Variants in KLHDC4 observed in about 807,000 individuals in gnomAD.
The protein encoded by KLHDC4 is kelch domain containing 4.
KLHDC4 carries 90 observed loss-of-function variants against 62.4 expected under a neutral mutation model. The ratio of observed to expected loss-of-function variants is 1.44; its 90% CI spans 1.22 to 1.72. KLHDC4 has a LOEUF of 1.72. KLHDC4 is among the 40% of genes most tolerant of loss of function. The pLI, the probability that KLHDC4 is intolerant of heterozygous loss-of-function variation, is 0.00. For missense variants in KLHDC4, 1,025 were observed against 699.7 expected, an observed-to-expected ratio of 1.47 and a Z score of -5.25; for synonymous variants, 386 against 284.4, an observed-to-expected ratio of 1.36 and a Z score of -3.59.
At chr16:87,735,699 A>G (rs2041194714) in intron 5 of KLHDC4, among the ~76,000 whole-genome samples, 1 of 152,260 alleles carries the variant, frequency 6.6e-6, no homozygotes, top group Non-Finnish European at 1.5e-5. Context: ...CAGGCTTCTC[A>G]AAACTGCTGT....
chr16:87,705,272 G>A (rs2034529645), downstream of KLHDC4, among the ~76,000 whole-genome samples: 2 of 152,256 alleles, frequency 1.3e-5, no homozygotes, highest in African/African-American at 4.8e-5. Context: ...CAAGTAGTTC[G>A]GTAAACTGGG....
intron 7 of KLHDC4, among the ~76,000 whole-genome samples, chr16:87,718,340 T>C (rs1211124247): frequency 3.1e-3 from 57 of 18,150 alleles, no homozygotes; most frequent in Admixed American, 7.5e-3. Flanking sequence ...CCTCCCCCTC[T>C]CCTCCCCCTC....
intron 1 of KLHDC4, 194 bp from the exon 2 acceptor site, chr16:87,762,234 T>G: frequency 8.2e-7 from 1 of 1,213,684 alleles, no homozygotes; most frequent in South Asian, 1.6e-5. Flanking sequence ...TCAAAGGCAG[T>G]CTGCTTAAAG....
At chr16:87,761,924 A>G (rs767989602) in intron 2 of KLHDC4, 25 bp downstream of exon 2, 3 of 1,608,422 alleles carry the variant, frequency 1.9e-6, no homozygotes, top group African/African-American at 1.3e-5. Flanking sequence ...GGAAACATAC[A>G]ATATGAAAAA....
chr16:87,724,828 G>A (rs564066772), intron 7 of KLHDC4, among the ~76,000 whole-genome samples: 72 of 152,266 alleles, frequency 4.7e-4, no homozygotes, highest in African/African-American at 1.7e-3. Context: ...CTCCACTCCA[G>A]ATATCTATTT....
chr16:87,716,766 C>G (rs56301296), intron 7 of KLHDC4, among the ~76,000 whole-genome samples: 1 of 152,008 alleles, frequency 6.6e-6, no homozygotes, highest in East Asian at 1.9e-4. Context: ...CCCATCTCTA[C>G]GAAAAATACA....
intron 4 of KLHDC4, among the ~76,000 whole-genome samples, chr16:87,751,148 A>G (rs1026783916): frequency 4.6e-5 from 7 of 152,198 alleles, no homozygotes; most frequent in Admixed American, 2.0e-4. Context: ...GAACACATAC[A>G]TGCACGCTCC....
chr16:87,760,308 A>T (rs2045664022), intron 2 of KLHDC4, among the ~76,000 whole-genome samples: 2 of 150,332 alleles, frequency 1.3e-5, no homozygotes, highest in Non-Finnish European at 3.0e-5. Context: ...TGGACAACAT[A>T]AAAAAAAGTC....
chr16:87,725,081 C>T (rs1326566280), intron 7 of KLHDC4, among the ~76,000 whole-genome samples: 2 of 115,552 alleles, frequency 1.7e-5, no homozygotes, highest in Non-Finnish European at 3.6e-5. Flanking sequence ...AGAAGACTGG[C>T]CCCACACATC....
chr16:87,734,980 C>G (rs1333910474), intron 5 of KLHDC4, among the ~76,000 whole-genome samples: 1 of 92,738 alleles, frequency 1.1e-5, no homozygotes, highest in Admixed American at 9.9e-5. Context: ...GCCCCTCCCC[C>G]TCCTGACGAA....
rs1409855776 is a variant in KLHDC4 at position 87,721,116 on chromosome 16, G to A, written c.759+5649C>T. On this transcript the variant is annotated intron_variant, in intron 7 of 11. Transcript: ENST00000270583. ...TCCAAGACTGAACATTTTCAGCTTC[G>A]CCATTAAAAAATACACCCAGAAGGC... Among the ~76,000 whole-genome samples the A allele has an allele frequency of 2.6e-5, 4 of 152,224 alleles. No homozygotes were observed. The East Asian group carries it at 7.7e-4, about 29-fold the overall frequency.
intron 7 of KLHDC4, among the ~76,000 whole-genome samples, chr16:87,723,389 C>A (rs1452225115): frequency 1.3e-5 from 2 of 152,260 alleles, no homozygotes; most frequent in Non-Finnish European, 2.9e-5. Flanking sequence ...TGGCTGCAGA[C>A]AGCAGCTGCT....
intron 7 of KLHDC4, among the ~76,000 whole-genome samples, chr16:87,715,648 A>T (rs945038125): frequency 1.3e-5 from 2 of 152,182 alleles, no homozygotes; most frequent in African/African-American, 4.8e-5. Context: ...TGTCTTTCTC[A>T]TTAGACTGGG....
At chr16:87,713,874 A>G (rs1164314688) in intron 8 of KLHDC4, among the ~76,000 whole-genome samples, 1 of 152,122 alleles carries the variant, frequency 6.6e-6, no homozygotes, top group African/African-American at 2.4e-5. Flanking sequence ...ATCCCAGTTT[A>G]GCTAAAAGCT....
chr16:87,748,541 G>A, intron 5 of KLHDC4, 132 bp downstream of exon 5: 1 of 1,162,180 alleles, frequency 8.6e-7, no homozygotes, highest in South Asian at 1.5e-5. Context: ...GACCCAGCGA[G>A]GCTGGGCTCC....
In KLHDC4 at chr16:87,765,882, C is replaced by T. The variant is rs1194117097; in HGVS notation, c.9G>A (p.Lys3=). ...GGCCCTTCTTCTCCTTCTTGCCCTT[C>T]TTGCCCATCTTGCCGGGTCCCAAGC... The part of the protein sequence containing the change: MG[K]KGKKEKKGRG... Residue 3 remains lysine (K), a synonymous_variant, in exon 1 of 12, where the codon AAG becomes AAA. Coordinates refer to ENST00000270583, the MANE Select transcript of KLHDC4 (RefSeq NM_017566.4). 2 of 1,551,368 alleles carry T rather than the reference C, an allele frequency of 1.3e-6. No individual in the cohort carries two copies. The highest frequency in any genetic ancestry group is 2.4e-5 in the East Asian group (1 of 40,868).
intron 1 of KLHDC4, among the ~76,000 whole-genome samples, chr16:87,764,613 A>C (rs1429427523): frequency 7.8e-6 from 1 of 128,462 alleles, no homozygotes; most frequent in East Asian, 2.5e-4. Flanking sequence ...GCACCATTGC[A>C]CTCCACCCTG....
chr16:87,725,763 C>G (rs1222928487), intron 7 of KLHDC4, among the ~76,000 whole-genome samples: 1 of 152,152 alleles, frequency 6.6e-6, no homozygotes, highest in African/African-American at 2.4e-5. Context: ...ACACACTCCA[C>G]GAGCAGATGC....
downstream of KLHDC4, among the ~76,000 whole-genome samples, chr16:87,707,055 G>A (rs2142894567): frequency 1.3e-5 from 2 of 152,340 alleles, no homozygotes; most frequent in Middle Eastern, 3.4e-3. Flanking sequence ...GAAAACTAAG[G>A]ATCCTATATT....
Sources: gnomAD v4.1 joint callset for allele counts (sites outside exome capture counted in the v4.1 genomes callset) on GRCh38, gnomAD v4.1.1 for gene constraint, MANE v1.5 for transcripts, NCBI Gene and HGNC (gene_info 2026-07-23, HGNC 2026-07-21) for gene names.